The following UNC5D variants were observed in gnomAD, a reference collection of about 807,000 sequenced individuals.
The protein encoded by UNC5D is netrin receptor UNC5D.
A neutral mutation model predicts 105.4 loss-of-function variants in UNC5D; 39 were observed. The ratio of observed to expected loss-of-function variants is 0.37; its 90% CI spans 0.29 to 0.48. The LOEUF (loss-of-function observed/expected upper bound fraction) is 0.48, where lower values mean the gene tolerates loss of function less well. Among genes scored for constraint, UNC5D ranks in the 20% least tolerant of loss-of-function variants. UNC5D has a pLI of 0.98. For missense variants in UNC5D, 991 were observed against 1,202.4 expected, an observed-to-expected ratio of 0.82 and a Z score of 2.60; for synonymous variants, 452 against 450.4, an observed-to-expected ratio of 1.00 and a Z score of -0.04.
intron 1 of UNC5D, among the ~76,000 whole-genome samples, chr8:35,538,237 C>T (rs78595095): frequency 0.026 from 3,939 of 150,716 alleles, 191 homozygotes; most frequent in African/African-American, 0.092. Context: ...GAAAAGCATG[C>T]GTGTGATCTC....
intron 4 of UNC5D, among the ~76,000 whole-genome samples, chr8:35,677,200 T>A (rs983650376): frequency 6.6e-6 from 1 of 152,070 alleles, no homozygotes; most frequent in African/African-American, 2.4e-5. Flanking sequence ...GCAAAAGAGA[T>A]TATTAAGCAA....
intron 7 of UNC5D, among the ~76,000 whole-genome samples, chr8:35,694,619 T>C (rs2131388959): frequency 6.6e-6 from 1 of 152,310 alleles, no homozygotes; most frequent in East Asian, 1.9e-4. Context: ...GGATTCTTTG[T>C]GAGAAGATAA....
At chr8:35,387,445 A>G (rs1312511636) in intron 1 of UNC5D, among the ~76,000 whole-genome samples, 1 of 151,698 alleles carries the variant, frequency 6.6e-6, no homozygotes, top group Non-Finnish European at 1.5e-5. Flanking sequence ...CCCTGGCTTA[A>G]GCAGTTTTCA....
chr8:35,722,187 A>C, intron 8 of UNC5D, 23 bp from the exon 9 acceptor site: 1 of 1,607,686 alleles, frequency 6.2e-7, no homozygotes, highest in Middle Eastern at 1.8e-4. Flanking sequence ...CTGGTCACTT[A>C]CAATTTCTCT....
chr8:35,595,002 A>G (rs1819399250), intron 3 of UNC5D, among the ~76,000 whole-genome samples: 1 of 152,114 alleles, frequency 6.6e-6, no homozygotes. Context: ...GTTTGGTTGG[A>G]TAGGTTATAG....
At chr8:35,676,315 C>T (rs1825216218) in intron 4 of UNC5D, among the ~76,000 whole-genome samples, 1 of 152,188 alleles carries the variant, frequency 6.6e-6, no homozygotes, top group Non-Finnish European at 1.5e-5. Context: ...CTCTAAGTAA[C>T]TAGTTTCTTT....
chr8:35,608,834 G>GT (rs953821579), intron 4 of UNC5D, among the ~76,000 whole-genome samples: 2 of 151,758 alleles, frequency 1.3e-5, no homozygotes, highest in South Asian at 2.1e-4. Flanking sequence ...ACTTAGATTT[G>GT]TTTCATATGT....
intron 1 of UNC5D, among the ~76,000 whole-genome samples, chr8:35,391,382 A>C (rs1218639229): frequency 6.6e-6 from 1 of 152,200 alleles, no homozygotes; most frequent in Admixed American, 6.5e-5. Context: ...ACAAACATAC[A>C]TGCAAGATTT....
rs569219953 is a variant in UNC5D, at chr8:35,336,527, A to C, written c.103+100640A>C. Among the ~76,000 whole-genome samples the C allele has an allele frequency of 9.2e-5, 14 of 152,232 alleles. No individual in the cohort carries two copies. In the South Asian group the frequency reaches 1.9e-3, roughly 20 times the overall value. ...GCAGAAGTCTTCAGCGTGTGACTGG[A>C]TTCAATGCTGCTACTCTTTTGGTCT... On this transcript the variant is annotated intron_variant, in intron 1 of 16. Coordinates refer to ENST00000404895, the MANE Select transcript of UNC5D (RefSeq NM_080872.4).
At chr8:35,746,641 A>C (rs1830018747) in intron 11 of UNC5D, among the ~76,000 whole-genome samples, 3 of 152,194 alleles carry the variant, frequency 2.0e-5, no homozygotes, top group African/African-American at 4.8e-5. Flanking sequence ...TGCTATTCAC[A>C]ACGAGTGTGA....
At chr8:35,723,011 A>C (rs1828664369) in intron 9 of UNC5D, among the ~76,000 whole-genome samples, 1 of 152,188 alleles carries the variant, frequency 6.6e-6, no homozygotes, top group Non-Finnish European at 1.5e-5. Flanking sequence ...AAACAGAGTC[A>C]TTTAATTCTG....
chr8:35,447,901 G>A (rs1037921484), intron 1 of UNC5D, among the ~76,000 whole-genome samples: 1 of 151,998 alleles, frequency 6.6e-6, no homozygotes, highest in African/African-American at 2.4e-5. Context: ...ACTTCTGAAG[G>A]TATGGAAATC....
In UNC5D at chr8:35,248,985, A is replaced by T. The variant is rs369073009; in HGVS notation, c.103+13098A>T. Among the ~76,000 whole-genome samples the T allele has an allele frequency of 1.5e-3, 139 of 89,728 alleles. 1 individual carries two copies. Among genetic ancestry groups the T allele is most frequent in the African/African-American group, 6.1e-3 (133 of 21,912 alleles). The allele number at this position is 89,728 out of a possible 152,430, so 58.9% of individuals were successfully genotyped here. On this transcript the variant is annotated intron_variant, in intron 1 of 16. Transcript: ENST00000404895. ...TAATATATATTATATATTTTTATAT[A>T]ATATATTATATATAAACATATATAA...
intron 15 of UNC5D, among the ~76,000 whole-genome samples, chr8:35,773,542 C>G (rs1011240005): frequency 3.9e-5 from 6 of 152,130 alleles, no homozygotes; most frequent in African/African-American, 1.4e-4. Flanking sequence ...AAGGCATTTC[C>G]TAGGCAGCTC....
intron 1 of UNC5D, among the ~76,000 whole-genome samples, chr8:35,466,561 C>T (rs975004841): frequency 1.3e-5 from 2 of 152,136 alleles, no homozygotes; most frequent in Admixed American, 1.3e-4. Context: ...TAAATGCCCA[C>T]AAGATGGTGT....
intron 4 of UNC5D, among the ~76,000 whole-genome samples, 185 bp from the exon 5 acceptor site, chr8:35,683,362 A>G (rs537359039): frequency 6.6e-6 from 1 of 152,314 alleles, no homozygotes; most frequent in East Asian, 1.9e-4. Flanking sequence ...TTGAGTATCC[A>G]TTTCCTGAAT....
intron 1 of UNC5D, among the ~76,000 whole-genome samples, chr8:35,435,132 T>G (rs1214378953): frequency 6.6e-6 from 1 of 152,126 alleles, no homozygotes; most frequent in Non-Finnish European, 1.5e-5. Flanking sequence ...TTGTTTTTTA[T>G]GTGGGGTTTA....
rs564744825 is a variant in UNC5D, at chr8:35,755,231, CCTAT to C, written c.2164-4082_2164-4079del. On this transcript the variant is annotated intron_variant, in intron 13 of 16. Transcript: ENST00000404895. ...GGAAAGCAAGGAATTAAGCTGTTAC[CCTAT>C]CTATCTTATCTAAGAAAGAAAATAG... Among the ~76,000 whole-genome samples the C allele has an allele frequency of 1.2e-3, 188 of 152,118 alleles. 1 individual carries two copies. The highest frequency in any genetic ancestry group is 4.3e-3 in the African/African-American group (177 of 41,500).
At chr8:35,518,547 C>T (rs1360084276) in intron 1 of UNC5D, among the ~76,000 whole-genome samples, 1 of 152,108 alleles carries the variant, frequency 6.6e-6, no homozygotes, top group Non-Finnish European at 1.5e-5. Flanking sequence ...TTCTATTCTG[C>T]AAATATGTCA....
Sources: allele counts gnomAD v4.1 joint callset (sites outside exome capture counted in the v4.1 genomes callset), GRCh38; gene constraint gnomAD v4.1.1; transcripts MANE v1.5; gene names NCBI Gene and HGNC (gene_info 2026-07-23, HGNC 2026-07-21).